The following SMC5 variants were observed in gnomAD, a reference collection of about 807,000 sequenced individuals.
The protein encoded by SMC5 is structural maintenance of chromosomes protein 5.
In SMC5, 88 loss-of-function variants were observed where a neutral mutation model predicts 148.3. The ratio of observed to expected loss-of-function variants is 0.59; its 90% confidence interval spans 0.50 to 0.71. The LOEUF (loss-of-function observed/expected upper bound fraction) is 0.71. Among genes scored for constraint, SMC5 ranks in the 30% least tolerant of loss-of-function variants. The pLI is 0.00. For synonymous variants in SMC5, 421 were observed against 432.8 expected (o/e 0.97, Z 0.34); for missense variants, 1,142 against 1,298.9 (o/e 0.88, Z 1.86).
chr9:70,313,799 C>A (rs1041533017), intron 11 of SMC5, among the ~76,000 whole-genome samples: 37 of 152,088 alleles, frequency 2.4e-4, no homozygotes, highest in African/African-American at 8.2e-4. Context: ...AGTGCCCAGC[C>A]AGTAATTTTT....
Position 70,350,209 on chromosome 9 carries a change from A to C in SMC5, c.2985A>C (p.Glu995Asp). Reference sequence around the variant, plus strand: ...CTCCTCATCATCAAAGTGGAGGTGAAAGAAGTGTTTCTACCATGTTATACT... The same window carrying C: ...CTCCTCATCATCAAAGTGGAGGTGACAGAAGTGTTTCTACCATGTTATACT... Reference protein sequence around the residue: ...ELTPHHQSGGERSVSTMLYLM... With the variant: ...ELTPHHQSGGDRSVSTMLYLM... Residue 995 changes from glutamate to aspartate, a missense_variant, in exon 23 of 25, where the codon GAA becomes GAC. Transcript: ENST00000361138. 6.2e-7 allele frequency: 1 copy of C among 1,613,656 alleles called. No homozygotes were observed.
At position 70,328,434 on chromosome 9, in the gene SMC5, A is replaced by G. The variant is rs138357278; in HGVS notation, c.2397+4291A>G. Among the ~76,000 whole-genome samples, 1,248 of 152,318 alleles carry G rather than the reference A, an allele frequency of 8.2e-3. 8 individuals are homozygous for G. The highest frequency in any genetic ancestry group is 0.02 in the Middle Eastern group (6 of 294). ...AGAAATCAGCCAAAACGAAGGAACTACAGGCCCCACACATGTCTGCAACCC... is the reference window on the plus strand; with the variant it reads ...AGAAATCAGCCAAAACGAAGGAACTGCAGGCCCCACACATGTCTGCAACCC... On this transcript the variant is annotated intron_variant, in intron 17 of 24. Transcript: ENST00000361138.
Position 70,315,503 on chromosome 9 carries a change from G to A in SMC5, c.1731G>A (p.Met577Ile). Residue 577 changes from methionine to isoleucine, a missense_variant, in exon 13 of 25, where the codon ATG (methionine) becomes ATA (isoleucine). Physicochemically the swap from Met to Ile is conservative, Grantham distance 10 (BLOSUM62 1). Transcript: ENST00000361138. The part of the protein sequence containing the change: ...RELFDAPDPV[M>I]SYLCCQYHIH... ...TATTTGATGCACCTGATCCTGTAAT[G>A]AGTTACCTTTGCTGTCAGTATCATA... 1 of 1,600,302 alleles carries A rather than the reference G, an allele frequency of 6.2e-7. No individual in the cohort carries two copies. The highest frequency in any genetic ancestry group is 8.5e-7 in the Non-Finnish European group (1 of 1,171,710).
intron 10 of SMC5, 112 bp downstream of exon 10, chr9:70,300,312 T>C: frequency 1.1e-6 from 1 of 893,328 alleles, no homozygotes; most frequent in Non-Finnish European, 1.6e-6. Context: ...ATCAGACTTG[T>C]GGCATCTGGC....
At chr9:70,259,323 G>C (rs970050000) in intron 1 of SMC5, 60 bp downstream of exon 1, 3 of 1,480,020 alleles carry the variant, frequency 2.0e-6, no homozygotes, top group Non-Finnish European at 2.7e-6. Flanking sequence ...AGGCCCCGGG[G>C]CTCCGGCAGC....
At chr9:70,286,097 ATTG>A (rs2034892100) in intron 7 of SMC5, 100 bp from the exon 8 acceptor site, 7 of 724,690 alleles carry the variant, frequency 9.7e-6, no homozygotes, top group Middle Eastern at 4.7e-4. Context: ...CTTGATGTAA[ATTG>A]TTGTGGGTTA....
intron 11 of SMC5, among the ~76,000 whole-genome samples, chr9:70,306,046 T>TTAAC (rs1432384448): frequency 6.6e-6 from 1 of 152,218 alleles, no homozygotes; most frequent in Non-Finnish European, 1.5e-5. Context: ...GCAGTACTTA[T>TTAAC]TAACTCATCA....
At chr9:70,274,720 C>G (rs957038145) in intron 3 of SMC5, among the ~76,000 whole-genome samples, 3 of 151,502 alleles carry the variant, frequency 2.0e-5, no homozygotes, top group African/African-American at 7.3e-5. Flanking sequence ...TTTCATTTTT[C>G]CTTCTCTTTT....
At chr9:70,312,200 T>A in intron 11 of SMC5, 1 of 151,008 alleles carries the variant, frequency 6.6e-6, no homozygotes, top group East Asian at 1.9e-4. Flanking sequence ...TGACTCACAG[T>A]TCTGCATGGC....
chr9:70,265,670 GA>G (rs1013840575), intron 2 of SMC5, among the ~76,000 whole-genome samples: 11 of 151,548 alleles, frequency 7.3e-5, no homozygotes, highest in African/African-American at 2.4e-4. Flanking sequence ...GTGAAAGGAT[GA>G]AAAAAAATAC....
chr9:70,292,999 A>G (rs2035106129), intron 8 of SMC5, among the ~76,000 whole-genome samples: 1 of 152,138 alleles, frequency 6.6e-6, no homozygotes, highest in African/African-American at 2.4e-5. Context: ...GATAATAACT[A>G]GCTTCATAAA....
chr9:70,323,411 G>A, intron 15 of SMC5, 72 bp from the exon 16 acceptor site: 1 of 1,447,966 alleles, frequency 6.9e-7, no homozygotes, highest in Non-Finnish European at 9.2e-7. Context: ...AGAAAACTGG[G>A]GGGGACCTAA....
chr9:70,298,223 T>TAAGTTTCATA lies in SMC5; in HGVS notation c.1309+8_1309+17dup. On this transcript the variant is annotated splice_region_variant and intron_variant, in intron 9 of 24. Coordinates refer to ENST00000361138, the MANE Select transcript of SMC5 (RefSeq NM_015110.4). ...AAACTCTAGAGAAGGAGAAAAAGAG[T>TAAGTTTCATA]AAGTTTCATAAAGTTAGAATGAAAT... 1.9e-6 allele frequency: 3 copies of TAAGTTTCATA among 1,605,874 alleles called. No individual in the cohort carries two copies. The highest frequency in any genetic ancestry group is 2.5e-6 in the Non-Finnish European group (3 of 1,177,080).
At chr9:70,341,276 T>TG (rs1165568529) in intron 17 of SMC5, among the ~76,000 whole-genome samples, 6 of 152,238 alleles carry the variant, frequency 3.9e-5, no homozygotes, top group African/African-American at 1.4e-4. Flanking sequence ...AATGAGGTTT[T>TG]GTCTTTCTAA....
At chr9:70,260,314 C>A (rs1251175413) in intron 1 of SMC5, among the ~76,000 whole-genome samples, 2 of 152,180 alleles carry the variant, frequency 1.3e-5, no homozygotes, top group Non-Finnish European at 2.9e-5. Context: ...ACCGTGTTGA[C>A]CAGGCTGATC....
chr9:70,333,332 T>C (rs1447598510), intron 17 of SMC5, among the ~76,000 whole-genome samples: 1 of 152,180 alleles, frequency 6.6e-6, no homozygotes, highest in African/African-American at 2.4e-5. Context: ...TGGCTGGGCA[T>C]GGTGGCTCAT....
chr9:70,343,681 T>C (rs2118810725), intron 17 of SMC5, among the ~76,000 whole-genome samples: 1 of 152,078 alleles, frequency 6.6e-6, no homozygotes, highest in Non-Finnish European at 1.5e-5. Flanking sequence ...CCAGGCATGG[T>C]GGTACACATC....
intron 7 of SMC5, 43 bp from the exon 8 acceptor site, chr9:70,286,157 T>G: frequency 7.4e-7 from 1 of 1,352,434 alleles, no homozygotes; most frequent in Non-Finnish European, 1.1e-6. Context: ...TTGCATGAGT[T>G]TTTAACTAGC....
chr9:70,346,776 T>C, intron 19 of SMC5, 127 bp downstream of exon 19: 1 of 938,368 alleles, frequency 1.1e-6, no homozygotes, highest in East Asian at 2.4e-5. Context: ...TCCTGTAGCA[T>C]GAACTGATAC....
Sources: allele counts gnomAD v4.1 joint callset (sites outside exome capture counted in the v4.1 genomes callset), GRCh38; gene constraint gnomAD v4.1.1; transcripts MANE v1.5; gene names NCBI Gene and HGNC (gene_info 2026-07-23, HGNC 2026-07-21).